The following PCDH15 variants were observed in gnomAD, a reference collection of about 807,000 sequenced individuals.
PCDH15 encodes the protein protocadherin related 15, also known as protocadherin-15.
Under a neutral mutation model 178.5 loss-of-function variants are expected in PCDH15, and 129 were observed. The observed-to-expected ratio is 0.72, with a 90% CI of 0.63 to 0.84. The LOEUF is 0.84. PCDH15 is among the 40% of genes least tolerant of loss of function. The pLI is 0.00. For synonymous variants in PCDH15, 800 were observed against 732.0 expected, an observed-to-expected ratio of 1.09 and a Z score of -1.50; for missense variants, 2,230 against 2,099.9, an observed-to-expected ratio of 1.06 and a Z score of -1.21.
chr10:54,933,988 C>A (rs558238093), intron 2 of PCDH15, among the ~76,000 whole-genome samples: 1 of 152,058 alleles, frequency 6.6e-6, no homozygotes, highest in Non-Finnish European at 1.5e-5. Flanking sequence ...GTACCCTGAA[C>A]ATAATGAATT....
chr10:54,370,162 C>T (rs11004260), intron 4 of PCDH15, among the ~76,000 whole-genome samples: 3,660 of 152,000 alleles, frequency 0.024, 138 homozygotes, highest in African/African-American at 0.076. Context: ...AGCTGGAATG[C>T]ACACCTACAA....
At chr10:54,365,943 T>G (rs1167897354) in intron 5 of PCDH15, among the ~76,000 whole-genome samples, 1 of 152,144 alleles carries the variant, frequency 6.6e-6, no homozygotes, top group Admixed American at 6.6e-5. Context: ...ATTTAATGCA[T>G]TTATAAAAGT....
chr10:55,610,525 G>T (rs1012100454), intron 2 of PCDH15, among the ~76,000 whole-genome samples: 2 of 152,016 alleles, frequency 1.3e-5, no homozygotes, highest in African/African-American at 4.8e-5. Flanking sequence ...GATGGTAAAG[G>T]ATAAGTACGA....
chr10:53,895,515 C>T (rs2610822), intron 26 of PCDH15, among the ~76,000 whole-genome samples: 13,999 of 152,136 alleles, frequency 0.092, 1,859 homozygotes, highest in African/African-American at 0.29. Flanking sequence ...TAACTCAATT[C>T]TTCTGACACT....
At chr10:55,608,255 G>T (rs557577013) in intron 2 of PCDH15, among the ~76,000 whole-genome samples, 2 of 150,528 alleles carry the variant, frequency 1.3e-5, no homozygotes, top group African/African-American at 4.9e-5. Flanking sequence ...AGAAAGGGAG[G>T]ATGGAAGAGA....
intron 3 of PCDH15, among the ~76,000 whole-genome samples, chr10:54,816,393 AC>A (rs1952950568): frequency 6.6e-6 from 1 of 152,084 alleles, no homozygotes; most frequent in East Asian, 1.9e-4. Flanking sequence ...AGACACAGTT[AC>A]AAAGTTAGAA....
At chr10:55,467,079 G>T (rs1414458713) in intron 2 of PCDH15, among the ~76,000 whole-genome samples, 1 of 152,126 alleles carries the variant, frequency 6.6e-6, no homozygotes, top group African/African-American at 2.4e-5. Context: ...CATTCCCAGG[G>T]ATTGAGTACA....
At chr10:55,253,302 C>T (rs1592023182) in intron 1 of PCDH15, among the ~76,000 whole-genome samples, 2 of 151,430 alleles carry the variant, frequency 1.3e-5, no homozygotes, top group East Asian at 3.9e-4. Context: ...TTTAACCAAA[C>T]CAAATATTTA....
chr10:53,932,604 A>T (rs989536381), intron 25 of PCDH15, among the ~76,000 whole-genome samples: 3 of 152,172 alleles, frequency 2.0e-5, no homozygotes, highest in South Asian at 4.1e-4. Flanking sequence ...TGTTGAAGTG[A>T]ATTCAAGTAC....
At chr10:54,417,613 C>A (rs1219620777) in intron 3 of PCDH15, among the ~76,000 whole-genome samples, 1 of 152,006 alleles carries the variant, frequency 6.6e-6, no homozygotes, top group East Asian at 1.9e-4. Context: ...AATTATTTCA[C>A]CCGATTATTA....
At position 55,362,573 on chromosome 10, in the gene PCDH15, G is replaced by T. The variant is rs114375998; in HGVS notation, c.-155-195922C>A. 5.2e-3 allele frequency among the ~76,000 whole-genome samples: 793 copies of T among 152,210 alleles called. 11 individuals are homozygous for T. Among genetic ancestry groups the T allele is most frequent in the African/African-American group, 0.018 (747 of 41,552 alleles). On this transcript the variant is annotated intron_variant, in intron 2 of 5. Coordinates refer to the PCDH15 transcript ENST00000613346. ...TAATATCTTGTGTAAATATAGTACAGTATCACAACCATGAAATTGATGGAT... is the reference window on the plus strand; with the variant it reads ...TAATATCTTGTGTAAATATAGTACATTATCACAACCATGAAATTGATGGAT...
At chr10:54,972,089 C>T (rs954137483) in intron 2 of PCDH15, among the ~76,000 whole-genome samples, 1 of 152,150 alleles carries the variant, frequency 6.6e-6, no homozygotes, top group Non-Finnish European at 1.5e-5. Flanking sequence ...CCATCTACTT[C>T]CCACGGGGCT....
chr10:54,033,170 C>T (rs1427559745), intron 18 of PCDH15, among the ~76,000 whole-genome samples: 1 of 151,826 alleles, frequency 6.6e-6, no homozygotes, highest in Admixed American at 6.6e-5. Context: ...AAAGTAAGTA[C>T]AATATATATA....
At chr10:55,223,535 G>A (rs1840944817) in intron 1 of PCDH15, among the ~76,000 whole-genome samples, 1 of 152,050 alleles carries the variant, frequency 6.6e-6, no homozygotes, top group Non-Finnish European at 1.5e-5. Context: ...CTGGAAACTG[G>A]GCTAAAATGC....
intron 2 of PCDH15, among the ~76,000 whole-genome samples, chr10:54,942,947 T>G (rs1475675646): frequency 5.9e-5 from 9 of 152,014 alleles, no homozygotes; most frequent in Non-Finnish European, 1.3e-4. Flanking sequence ...TTTGTCAGAA[T>G]GAGTTAAATT....
At chr10:53,845,398 T>C (rs561872402) in intron 28 of PCDH15, among the ~76,000 whole-genome samples, 1 of 151,642 alleles carries the variant, frequency 6.6e-6, no homozygotes, top group Non-Finnish European at 1.5e-5. Flanking sequence ...AGAAAGAAAA[T>C]CAATATATTG....
chr10:55,583,742 T>C (rs1030856898), intron 2 of PCDH15, among the ~76,000 whole-genome samples: 1 of 152,188 alleles, frequency 6.6e-6, no homozygotes, highest in African/African-American at 2.4e-5. Context: ...CCAACAGTTA[T>C]GTTATTGACA....
intron 25 of PCDH15, among the ~76,000 whole-genome samples, chr10:53,927,404 TG>T (rs2084660333): frequency 6.6e-6 from 1 of 152,204 alleles, no homozygotes; most frequent in Admixed American, 6.5e-5. Context: ...ACTCATCAAA[TG>T]TTCTTGCAAA....
At chr10:54,333,127 T>G (rs964055910) in intron 6 of PCDH15, among the ~76,000 whole-genome samples, 1 of 151,980 alleles carries the variant, frequency 6.6e-6, no homozygotes, top group Non-Finnish European at 1.5e-5. Context: ...TTTTTACTTT[T>G]AGTAGAGATG....
Sources: gnomAD v4.1 joint callset for allele counts (sites outside exome capture counted in the v4.1 genomes callset) on GRCh38, gnomAD v4.1.1 for gene constraint, MANE v1.5 for transcripts, NCBI Gene and HGNC (gene_info 2026-07-23, HGNC 2026-07-21) for gene names.